The following INSR variants were observed in gnomAD, a reference collection of about 807,000 sequenced individuals.
INSR encodes the protein insulin receptor, also known as IR.
A neutral mutation model predicts 142.6 loss-of-function variants in INSR; 67 were observed. That is an observed-to-expected ratio of 0.47 (90% CI 0.39 to 0.58). The LOEUF is 0.58. Ranked by LOEUF, INSR falls within the 20% of genes least tolerant of loss-of-function variation. The pLI, the probability that INSR is intolerant of heterozygous loss-of-function variation, is 0.00. For missense variants in INSR, 1,248 were observed against 1,833.2 expected (o/e 0.68, Z 5.83); for synonymous variants, 756 against 743.1 (o/e 1.02, Z -0.28).
At chr19:7,197,885 T>C (rs1476694748) in intron 2 of INSR, among the ~76,000 whole-genome samples, 1 of 143,518 alleles carries the variant, frequency 7.0e-6, no homozygotes, top group Non-Finnish European at 1.5e-5. Flanking sequence ...TGTGTGTCTG[T>C]GCAGCCCCAG....
Position 7,122,962 on chromosome 19 carries a change from C to T in INSR, c.3286G>A (p.Gly1096Ser), listed in dbSNP as rs1972531003. Residue 1096 changes from glycine (G) to serine (S), a missense_variant, in exon 18 of 22, where the codon GGC (glycine) becomes AGC (serine). Around this residue, in one of 3 missense-constraint regions of INSR, gnomAD observed 1,069 missense variants for 1,654.0 expected, o/e 0.65. Coordinates refer to ENST00000302850, the MANE Select transcript of INSR (RefSeq NM_000208.4). ...TCCATCACCACCAGCGTGGGCTGGC[C>T]CTTGGACACCACTCCCAGGAGGCGC... ...VVRLLGVVSKGQPTLVVMELM... is the reference protein window; with the variant it reads ...VVRLLGVVSKSQPTLVVMELM... 1 of 1,606,542 alleles carries T rather than the reference C, an allele frequency of 6.2e-7. No homozygotes were observed. Among genetic ancestry groups the T allele is most frequent in the South Asian group, 1.1e-5 (1 of 89,886 alleles).
chr19:7,127,162 G>A (rs1011750670), intron 15 of INSR, among the ~76,000 whole-genome samples: 6 of 152,080 alleles, frequency 3.9e-5, no homozygotes, highest in Admixed American at 6.6e-5. Flanking sequence ...CCTCCCGAGC[G>A]GCTGGGACTA....
At chr19:7,172,878 C>A (rs373278011) in intron 4 of INSR, among the ~76,000 whole-genome samples, 83 of 143,124 alleles carry the variant, frequency 5.8e-4, no homozygotes, top group Non-Finnish European at 7.3e-4. Context: ...ACTAAAACTA[C>A]AAAAAAAAAA....
In INSR at chr19:7,119,825, CACAAACACACACACCCAA is replaced by C. The variant is rs1972440831; in HGVS notation, c.3660-260_3660-243del. On this transcript the variant is annotated intron_variant, in intron 20 of 21. Transcript: ENST00000302850. This position sits in a 1 kb window ranked among gnomAD's most constrained non-coding sequence, Gnocchi z 5.2. ...GCAAACACACAAACACATATACACA[CACAAACACACACACCCAA>C]ACACACACACGCACACACATGCAAA... is the stretch of plus-strand genomic sequence containing the variant. 2.1e-5 allele frequency among the ~76,000 whole-genome samples: 1 copy of C among 48,448 alleles called. No individual in the cohort carries two copies. The highest frequency in any genetic ancestry group is 5.7e-5 in the African/African-American group (1 of 17,528). 31.8% of individuals were successfully genotyped at this position (48,448 alleles called of 152,430 possible).
chr19:7,131,132 G>A (rs895354868), intron 14 of INSR, among the ~76,000 whole-genome samples: 6 of 151,288 alleles, frequency 4.0e-5, no homozygotes, highest in Non-Finnish European at 7.4e-5. Context: ...CGCCCACCTC[G>A]GCCTCCCAAA....
At chr19:7,218,934 C>T (rs1057119040) in intron 2 of INSR, among the ~76,000 whole-genome samples, 4 of 152,012 alleles carry the variant, frequency 2.6e-5, no homozygotes, top group South Asian at 4.1e-4. Flanking sequence ...CAGCAAGTGC[C>T]GAGGCTTACA....
chr19:7,193,834 C>T (rs1339566642), intron 2 of INSR, among the ~76,000 whole-genome samples: 2 of 151,834 alleles, frequency 1.3e-5, no homozygotes, highest in African/African-American at 2.4e-5. Context: ...GGACTACAGG[C>T]GTACACCACC....
chr19:7,255,473 C>A (rs1333019205), intron 2 of INSR, among the ~76,000 whole-genome samples: 2 of 151,952 alleles, frequency 1.3e-5, no homozygotes, highest in African/African-American at 2.4e-5. Context: ...ATTTCATCCA[C>A]CCGAATACCC....
chr19:7,152,755 A>G lies in INSR; in HGVS notation c.2202T>C (p.Asp734=), dbSNP rs749276188. 6.2e-7 allele frequency: 1 copy of G among 1,612,998 alleles called. No homozygotes were observed. The highest frequency in any genetic ancestry group is 1.1e-5 in the South Asian group (1 of 91,022). The stretch of plus-strand genomic sequence containing the variant: ...GGACGAAAACCACGTTGTGCAGGTA[A>G]TCCTCAAACGTCTTCCTAAACGAGG... ...EESSFRKTFE[D]YLHNVVFVPR... The change falls in exon 10 of 22, where the codon GAT becomes GAC. Residue 734 remains aspartate (D), a synonymous_variant. Coordinates refer to ENST00000302850, the MANE Select transcript of INSR (RefSeq NM_000208.4).
chr19:7,152,432 G>A (rs1973394683), intron 10 of INSR: 3 of 447,766 alleles, frequency 6.7e-6, no homozygotes, highest in East Asian at 4.6e-5. Context: ...ATCGTCTAAC[G>A]GAGTTTGTTT....
chr19:7,202,687 G>T (rs1974996237), intron 2 of INSR, among the ~76,000 whole-genome samples: 2 of 152,096 alleles, frequency 1.3e-5, no homozygotes, highest in Non-Finnish European at 2.9e-5. Flanking sequence ...TTTTAGTAGA[G>T]ACGGGGTTTC....
chr19:7,249,291 G>A (rs184911623), intron 2 of INSR, among the ~76,000 whole-genome samples: 69 of 152,030 alleles, frequency 4.5e-4, no homozygotes, highest in African/African-American at 1.7e-3. Context: ...GAATCCTAAG[G>A]TAAACCTCTT....
At chr19:7,214,357 A>C (rs191413984) in intron 2 of INSR, among the ~76,000 whole-genome samples, 229 of 152,316 alleles carry the variant, frequency 1.5e-3, no homozygotes, top group African/African-American at 5.3e-3. Flanking sequence ...GATGGAAGGC[A>C]AGAGAAACTT....
chr19:7,184,060 C>CAAAAAAAAAAAAAAAAAA lies in INSR; in HGVS notation c.974+255_974+256insTTTTTTTTTTTTTTTTTT, dbSNP rs533682498. 4.2e-3 allele frequency among the ~76,000 whole-genome samples: 354 copies of CAAAAAAAAAAAAAAAAAA among 84,842 alleles called. 7 individuals carry two copies. The highest frequency in any genetic ancestry group is 4.8e-3 in the Non-Finnish European group (212 of 44,380). 55.7% of individuals were successfully genotyped at this position (84,842 alleles called of 152,430 possible). On this transcript the variant is annotated intron_variant, in intron 3 of 21. Coordinates refer to ENST00000302850, the MANE Select transcript of INSR (RefSeq NM_000208.4). ...GGAGTCTTGCGGCAAGACTCCATCT[C>CAAAAAAAAAAAAAAAAAA]AAAAAAAAAAAAAAAGAATGGTGGG...
At chr19:7,231,659 C>A (rs1018837684) in intron 2 of INSR, among the ~76,000 whole-genome samples, 1 of 152,028 alleles carries the variant, frequency 6.6e-6, no homozygotes, top group African/African-American at 2.4e-5. Flanking sequence ...TATCCACCAC[C>A]AACAACCTGC....
At chr19:7,255,015 C>A (rs1319152838) in intron 2 of INSR, among the ~76,000 whole-genome samples, 1 of 151,896 alleles carries the variant, frequency 6.6e-6, no homozygotes, top group East Asian at 1.9e-4. Flanking sequence ...CTCCCCCGGC[C>A]CCCCTCCCCG....
At chr19:7,247,904 A>T (rs373065752) in intron 2 of INSR, among the ~76,000 whole-genome samples, 41 of 152,292 alleles carry the variant, frequency 2.7e-4, no homozygotes, top group South Asian at 2.1e-3. Context: ...AATTTTAATG[A>T]ATTTCTACTT....
At chr19:7,195,070 A>C (rs1388958503) in intron 2 of INSR, among the ~76,000 whole-genome samples, 1 of 152,082 alleles carries the variant, frequency 6.6e-6, no homozygotes, top group Non-Finnish European at 1.5e-5. Context: ...ATCCCACAGT[A>C]CTAGAAAATG....
intron 2 of INSR, among the ~76,000 whole-genome samples, chr19:7,223,836 A>T (rs1478937022): frequency 6.6e-6 from 1 of 152,150 alleles, no homozygotes; most frequent in Non-Finnish European, 1.5e-5. Flanking sequence ...GTAGTGACTT[A>T]TGGATATTCC....
Sources: allele counts gnomAD v4.1 joint callset (sites outside exome capture counted in the v4.1 genomes callset), GRCh38; gene constraint gnomAD v4.1.1; regional missense constraint gnomAD v4.1.1; non-coding constraint Gnocchi (gnomAD v3.1); transcripts MANE v1.5; gene names NCBI Gene and HGNC (gene_info 2026-07-23, HGNC 2026-07-21).